The following RAB35 variants were observed in gnomAD, a reference collection of about 807,000 sequenced individuals.
RAB35 encodes RAB35, member RAS oncogene family.
Under a neutral mutation model 28.9 loss-of-function variants are expected in RAB35, and 4 were observed. The ratio of observed to expected loss-of-function variants is 0.14; its 90% confidence interval spans 0.07 to 0.32. The LOEUF (loss-of-function observed/expected upper bound fraction) is 0.32, where lower values mean the gene tolerates loss of function less well. Ranked by LOEUF, RAB35 falls within the 10% of genes least tolerant of loss-of-function variation. RAB35 has a pLI of 1.00. For missense variants in RAB35, 128 were observed against 274.0 expected, an observed-to-expected ratio of 0.47 and a Z score of 3.76; for synonymous variants, 99 against 105.1, an observed-to-expected ratio of 0.94 and a Z score of 0.35.
At position 120,109,688 on chromosome 12, in the gene RAB35, G is replaced by A. The variant is rs557454202; in HGVS notation, c.53-1221C>T. Among the ~76,000 whole-genome samples the A allele has an allele frequency of 1.3e-3, 183 of 137,854 alleles. 1 individual carries two copies. Among genetic ancestry groups the A allele is most frequent in the African/African-American group, 4.9e-3 (180 of 36,530 alleles). 90.4% of individuals were successfully genotyped at this position (137,854 alleles called of 152,430 possible). On this transcript the variant is annotated intron_variant, in intron 1 of 5. Coordinates refer to ENST00000229340, the MANE Select transcript of RAB35 (RefSeq NM_006861.7). ...TTTTTTTTTTTTTTAATCTTTTGTA[G>A]AGACGAGGTCTTGCTATGTTGCCCA...
intron 2 of RAB35, among the ~76,000 whole-genome samples, chr12:120,107,275 C>T (rs183534091): frequency 2.6e-5 from 4 of 152,288 alleles, no homozygotes; most frequent in African/African-American, 7.2e-5. Context: ...GTGTGAGCCA[C>T]CGCACCCGGC....
intron 5 of RAB35, among the ~76,000 whole-genome samples, chr12:120,097,817 A>G (rs1875485681): frequency 6.6e-6 from 1 of 152,028 alleles, no homozygotes; most frequent in Non-Finnish European, 1.5e-5. Flanking sequence ...GGGGAAGTCA[A>G]TCTCACAGGG....
intron 1 of RAB35, among the ~76,000 whole-genome samples, chr12:120,111,368 G>A (rs756680703): frequency 3.9e-5 from 6 of 152,078 alleles, no homozygotes; most frequent in Admixed American, 1.3e-4. Context: ...GTCCCCAGGC[G>A]TCTCGGCAGA....
intron 2 of RAB35, among the ~76,000 whole-genome samples, chr12:120,106,175 C>T (rs931733412): frequency 1.3e-5 from 2 of 152,138 alleles, no homozygotes; most frequent in African/African-American, 4.8e-5. Context: ...ACAAGCCCTC[C>T]AAGCACTGAA....
intron 2 of RAB35, among the ~76,000 whole-genome samples, chr12:120,105,651 C>T (rs146022122): frequency 8.7e-4 from 133 of 152,244 alleles, no homozygotes; most frequent in Middle Eastern, 3.4e-3. Flanking sequence ...AGACCCGGCG[C>T]GCTGGCTCAC....
rs747764025 is a variant in RAB35 at position 120,096,230 on chromosome 12, C to T, written c.*1015G>A. 2.8e-5 allele frequency: 11 copies of T among 397,842 alleles called. No individual in the cohort carries two copies. The East Asian group carries it at 5.2e-4, about 19-fold the overall frequency. 24.6% of individuals were successfully genotyped at this position (397,842 alleles called of 1,614,324 possible). The stretch of plus-strand genomic sequence containing the variant: ...GGACAAGGGTGGGAGGCCCCTTCTC[C>T]GCTCCCACCAAGAAAGCCCAAGAGT... On this transcript the variant is annotated 3_prime_UTR_variant, in exon 6 of 6. Coordinates refer to ENST00000229340, the MANE Select transcript of RAB35 (RefSeq NM_006861.7).
At chr12:120,116,454 G>A (rs1876341764) in intron 1 of RAB35, 145 bp downstream of exon 1, 1 of 485,772 alleles carries the variant, frequency 2.1e-6, no homozygotes, top group African/African-American at 2.1e-5. Context: ...GAGCCCCTCG[G>A]CGCACCCCTG....
intron 1 of RAB35, chr12:120,108,817 A>G (rs1323289504): frequency 3.3e-5 from 14 of 427,138 alleles, no homozygotes; most frequent in Non-Finnish European, 6.3e-5. Context: ...AACGGCCCCC[A>G]AGTGCGTCTA....
rs1184505902 is a variant in RAB35, at chr12:120,097,244, A to G, written c.*1T>C. The G allele has an allele frequency of 2.6e-5, 42 of 1,614,032 alleles. No individual in the cohort carries two copies. Among genetic ancestry groups the G allele is most frequent in the Non-Finnish European group, 3.2e-5 (38 of 1,180,048 alleles). On this transcript the variant is annotated 3_prime_UTR_variant, in exon 6 of 6. Coordinates refer to ENST00000229340, the MANE Select transcript of RAB35 (RefSeq NM_006861.7). ...CAGTCTCTGCAGTGGACTGGGTGCC[A>G]TTAGCAGCAGCGTTTCTTTCGTTTA... is the stretch of plus-strand genomic sequence containing the variant.
intron 1 of RAB35, among the ~76,000 whole-genome samples, chr12:120,111,069 G>A (rs978028346): frequency 3.9e-5 from 6 of 152,174 alleles, no homozygotes; most frequent in Non-Finnish European, 7.3e-5. Flanking sequence ...CGCCTCACCC[G>A]CCCTGTGCAT....
intron 3 of RAB35, among the ~76,000 whole-genome samples, chr12:120,100,831 G>A (rs914693212): frequency 3.3e-5 from 5 of 152,232 alleles, no homozygotes; most frequent in South Asian, 2.1e-4. Flanking sequence ...TGAGAGCGCC[G>A]GGTCAGCACA....
intron 2 of RAB35, among the ~76,000 whole-genome samples, chr12:120,107,136 G>GCT (rs1875918889): frequency 6.6e-6 from 1 of 151,596 alleles, no homozygotes; most frequent in South Asian, 2.1e-4. Context: ...TTATAGGTAT[G>GCT]CACCACCACG....
chr12:120,104,184 A>G (rs1875774298), intron 2 of RAB35, among the ~76,000 whole-genome samples: 1 of 152,196 alleles, frequency 6.6e-6, no homozygotes, highest in Non-Finnish European at 1.5e-5. Context: ...ACAATTTCCG[A>G]GAGTGAAAAG....
rs1875459716 is a variant in RAB35, at chr12:120,097,299, C to G, written c.552G>C (p.Gln184His). Residue 184 changes from glutamine (Q) to histidine (H), a missense_variant, in exon 6 of 6, where the codon CAG becomes CAC. By Grantham distance (24) the Gln-to-His change is conservative (BLOSUM62 0). Coordinates refer to ENST00000229340, the MANE Select transcript of RAB35 (RefSeq NM_006861.7). ...DNLAKQQQQQ[Q>H]NDVVKLTKNS... ...TCTTCGTGAGCTTCACCACATCGTT[C>G]TGTTGTTGCTGCTGCTGTTTTGCCA... 2 of 1,613,836 alleles carry G rather than the reference C, an allele frequency of 1.2e-6. No individual in the cohort carries two copies. The highest frequency in any genetic ancestry group is 1.7e-6 in the Non-Finnish European group (2 of 1,180,054).
chr12:120,112,440 T>C (rs1876157084), intron 1 of RAB35, among the ~76,000 whole-genome samples: 1 of 152,052 alleles, frequency 6.6e-6, no homozygotes, highest in Non-Finnish European at 1.5e-5. Context: ...GATATTTTTT[T>C]TTTTTTTTGA....
In RAB35 at chr12:120,095,116, TTA is replaced by T. The variant is rs1875311190; in HGVS notation, c.*2127_*2128del. Reference sequence around the variant, plus strand: ...GAAGAAAATTTGGCAGCTTGAACCTTTATTTTTAGTATTTTTTTAAAAAGCAT... The same window carrying T: ...GAAGAAAATTTGGCAGCTTGAACCTTTTTTTAGTATTTTTTTAAAAAGCAT... On this transcript the variant is annotated 3_prime_UTR_variant, in exon 6 of 6. Coordinates refer to ENST00000229340, the MANE Select transcript of RAB35 (RefSeq NM_006861.7). 1 of 152,198 alleles carries T rather than the reference TTA, an allele frequency of 6.6e-6. No individual in the cohort carries two copies. Among genetic ancestry groups the T allele is most frequent in the Non-Finnish European group, 1.5e-5 (1 of 68,026 alleles). The allele number at this position is 152,198 out of a possible 1,614,324, so 9.4% of individuals were successfully genotyped here.
chr12:120,102,579 C>T (rs1875702845), intron 3 of RAB35, among the ~76,000 whole-genome samples: 1 of 152,214 alleles, frequency 6.6e-6, no homozygotes, highest in Non-Finnish European at 1.5e-5. Context: ...AGTGACAAGC[C>T]CTCCGCCTTG....
At chr12:120,108,396 G>T in intron 2 of RAB35, 21 bp downstream of exon 2, 1 of 1,607,074 alleles carries the variant, frequency 6.2e-7, no homozygotes, top group Non-Finnish European at 8.5e-7. Flanking sequence ...CACCCCAGCA[G>T]CACTGCAGGG....
chr12:120,109,385 G>A (rs955128951), intron 1 of RAB35, among the ~76,000 whole-genome samples: 20 of 152,102 alleles, frequency 1.3e-4, no homozygotes, highest in African/African-American at 4.6e-4. Flanking sequence ...CCCGGGAGGC[G>A]GAGGTTGCAG....
Sources: gnomAD v4.1 joint callset for allele counts (sites outside exome capture counted in the v4.1 genomes callset) on GRCh38, gnomAD v4.1.1 for gene constraint, MANE v1.5 for transcripts, NCBI Gene and HGNC (gene_info 2026-07-23, HGNC 2026-07-21) for gene names.